Variants in CHCHD3 observed in about 807,000 individuals in gnomAD.
CHCHD3 encodes the protein coiled-coil-helix-coiled-coil-helix domain containing 3.
In CHCHD3, 20 loss-of-function variants were observed where a neutral mutation model predicts 38.2. The ratio of observed to expected loss-of-function variants is 0.52; its 90% CI spans 0.37 to 0.76. The LOEUF (loss-of-function observed/expected upper bound fraction) is 0.76. Among genes scored for constraint, CHCHD3 ranks in the 30% least tolerant of loss-of-function variants. CHCHD3 has a pLI of 0.00. For synonymous variants in CHCHD3, 82 were observed against 100.0 expected, an observed-to-expected ratio of 0.82 and a Z score of 1.07; for missense variants, 245 against 279.2, an observed-to-expected ratio of 0.88 and a Z score of 0.87.
intron 5 of CHCHD3, among the ~76,000 whole-genome samples, chr7:132,852,322 T>A (rs1808239108): frequency 6.6e-6 from 1 of 152,130 alleles, no homozygotes; most frequent in African/African-American, 2.4e-5. Flanking sequence ...GACAGAGAGC[T>A]CCAAACAGCT....
chr7:132,963,500 T>C lies in CHCHD3; in HGVS notation c.369+11669A>G, dbSNP rs544927647. On this transcript the variant is annotated intron_variant, in intron 4 of 7. Transcript: ENST00000262570. ...CAAAAAAATTAGCCAGGCATGGTAA[T>C]GGGCGCCTGTAGTCCCAGCTACTCG... 9.2e-5 allele frequency among the ~76,000 whole-genome samples: 14 copies of C among 151,418 alleles called. No homozygotes were observed. The South Asian group carries it at 2.7e-3, about 29-fold the overall frequency.
chr7:132,920,591 C>T (rs551659857), intron 4 of CHCHD3, among the ~76,000 whole-genome samples: 1 of 152,262 alleles, frequency 6.6e-6, no homozygotes, highest in East Asian at 1.9e-4. Flanking sequence ...TTTGTTTACT[C>T]TGTCGTCATG....
intron 4 of CHCHD3, among the ~76,000 whole-genome samples, chr7:132,942,784 T>C (rs1436845319): frequency 6.6e-6 from 1 of 152,192 alleles, no homozygotes; most frequent in Non-Finnish European, 1.5e-5. Flanking sequence ...TAATTCTCTT[T>C]GTTCATAATG....
At chr7:132,990,588 C>T (rs192711180) in intron 3 of CHCHD3, among the ~76,000 whole-genome samples, 150 of 152,256 alleles carry the variant, frequency 9.9e-4, no homozygotes, top group African/African-American at 3.4e-3. Context: ...ATAAAGAGGA[C>T]CGTAAGCTAT....
chr7:132,900,510 A>T lies in CHCHD3; in HGVS notation c.370-14765T>A, dbSNP rs950882724. On this transcript the variant is annotated intron_variant, in intron 4 of 7. Transcript: ENST00000262570. The stretch of plus-strand genomic sequence containing the variant: ...TAGTGGTTGAACTTATACAAGATTC[A>T]TTCACAAACCTTTAAATGAAAGCCA... Among the ~76,000 whole-genome samples the T allele has an allele frequency of 5.3e-5, 8 of 152,188 alleles. 1 individual carries two copies. The highest frequency in any genetic ancestry group is 1.9e-4 in the African/African-American group (8 of 41,432).
At chr7:133,016,017 T>C (rs1813021112) in intron 3 of CHCHD3, among the ~76,000 whole-genome samples, 1 of 152,052 alleles carries the variant, frequency 6.6e-6, no homozygotes, top group South Asian at 2.1e-4. Flanking sequence ...AGAACAGCCT[T>C]AGGAGGATGG....
chr7:133,003,530 G>A (rs554586389), intron 3 of CHCHD3, among the ~76,000 whole-genome samples: 25 of 152,328 alleles, frequency 1.6e-4, no homozygotes, highest in African/African-American at 6.0e-4. Context: ...TGTGATAGCT[G>A]AGATGATAAT....
intron 3 of CHCHD3, among the ~76,000 whole-genome samples, chr7:132,992,839 T>A (rs1392653488): frequency 1.3e-5 from 2 of 152,234 alleles, no homozygotes; most frequent in South Asian, 4.1e-4. Context: ...AATTCTTACA[T>A]TAAATTCTCT....
In CHCHD3 at chr7:132,894,819, G is replaced by GTGTACATTATTATGTA. The variant is rs559029393; in HGVS notation, c.370-9090_370-9075dup. Among the ~76,000 whole-genome samples the GTGTACATTATTATGTA allele has an allele frequency of 1.5e-3, 224 of 152,348 alleles. 1 individual carries two copies. Among genetic ancestry groups the GTGTACATTATTATGTA allele is most frequent in the Non-Finnish European group, 2.5e-3 (169 of 68,042 alleles). Reference sequence around the variant, plus strand: ...CACATGATATACAGTGTGATTTTATGTGTACATTATTATGTATGTACATTA... The same window carrying GTGTACATTATTATGTA: ...CACATGATATACAGTGTGATTTTATGTGTACATTATTATGTATGTACATTATTATGTATGTACATTA... On this transcript the variant is annotated intron_variant, in intron 4 of 7. Transcript: ENST00000262570.
Position 133,017,556 on chromosome 7 carries a change from A to G in CHCHD3, c.251+6990T>C, listed in dbSNP as rs189972845. Among the ~76,000 whole-genome samples, 112 of 152,338 alleles carry G rather than the reference A, an allele frequency of 7.4e-4. 1 individual carries two copies. The highest frequency in any genetic ancestry group is 5.6e-3 in the East Asian group (29 of 5,184). On this transcript the variant is annotated intron_variant, in intron 3 of 7. Transcript: ENST00000262570. Reference sequence around the variant, plus strand: ...AATTGACTTTGGCACAAATGACTTCAAACACTGCACTTCACGAGAGAAAAC... The same window carrying G: ...AATTGACTTTGGCACAAATGACTTCGAACACTGCACTTCACGAGAGAAAAC...
At chr7:132,927,422 T>C (rs1014993576) in intron 4 of CHCHD3, among the ~76,000 whole-genome samples, 1 of 152,234 alleles carries the variant, frequency 6.6e-6, no homozygotes, top group African/African-American at 2.4e-5. Flanking sequence ...AGCATATCTG[T>C]AAATGCAGGG....
chr7:133,024,593 C>A lies in CHCHD3; in HGVS notation c.204G>T (p.Glu68Asp), dbSNP rs1463923243. ...SDEELKRRVA[E>D]ELALEQAKKE... ...TCTTGGCTTGCTCCAATGCCAGCTC[C>A]TCAGCTACTCTTCTTTTCAATTCTT... is the stretch of plus-strand genomic sequence containing the variant. The change falls in exon 3 of 8, where the codon GAG becomes GAT. Residue 68 changes from glutamate (E) to aspartate (D), a missense_variant. Coordinates refer to ENST00000262570, the MANE Select transcript of CHCHD3 (RefSeq NM_017812.4). 1 of 1,613,742 alleles carries A rather than the reference C, an allele frequency of 6.2e-7. No homozygotes were observed. Among genetic ancestry groups the A allele is most frequent in the Non-Finnish European group, 8.5e-7 (1 of 1,179,754 alleles).
intron 2 of CHCHD3, among the ~76,000 whole-genome samples, chr7:133,048,610 G>A (rs1814062997): frequency 6.6e-6 from 1 of 152,128 alleles, no homozygotes; most frequent in Admixed American, 6.6e-5. Context: ...TCTAAATTAA[G>A]TCATCAAAAT....
At chr7:132,915,270 A>C (rs1344635472) in intron 4 of CHCHD3, among the ~76,000 whole-genome samples, 1 of 152,170 alleles carries the variant, frequency 6.6e-6, no homozygotes, top group African/African-American at 2.4e-5. Context: ...ACTTTGGGGA[A>C]ACATGGGGTC....
At chr7:132,809,747 C>T (rs537909764) in intron 6 of CHCHD3, among the ~76,000 whole-genome samples, 18 of 152,316 alleles carry the variant, frequency 1.2e-4, no homozygotes, top group Admixed American at 7.8e-4. Flanking sequence ...CGCAACTGCA[C>T]ATATTCCTAA....
chr7:133,026,845 T>A (rs2117446405), intron 2 of CHCHD3, among the ~76,000 whole-genome samples: 1 of 152,274 alleles, frequency 6.6e-6, no homozygotes, highest in Non-Finnish European at 1.5e-5. Flanking sequence ...AGAAAGTAGA[T>A]TAGTAGTTCC....
At chr7:132,870,276 G>T (rs1808733515) in intron 5 of CHCHD3, among the ~76,000 whole-genome samples, 1 of 151,474 alleles carries the variant, frequency 6.6e-6, no homozygotes, top group South Asian at 2.1e-4. Flanking sequence ...CTTGAGCCTG[G>T]GAGGCAGAGG....
chr7:132,874,097 T>C (rs1487984483), intron 5 of CHCHD3, among the ~76,000 whole-genome samples: 1 of 152,158 alleles, frequency 6.6e-6, no homozygotes, highest in Non-Finnish European at 1.5e-5. Context: ...TCGACAAATA[T>C]TTAACAAGCA....
intron 4 of CHCHD3, among the ~76,000 whole-genome samples, chr7:132,894,566 C>T (rs1363890379): frequency 1.3e-5 from 2 of 152,174 alleles, no homozygotes; most frequent in African/African-American, 4.8e-5. Flanking sequence ...CTTACTTACC[C>T]ACTACTCCTC....
Sources: allele counts gnomAD v4.1 joint callset (sites outside exome capture counted in the v4.1 genomes callset), GRCh38; gene constraint gnomAD v4.1.1; transcripts MANE v1.5; gene names NCBI Gene and HGNC (gene_info 2026-07-23, HGNC 2026-07-21).